The following SLC35F4 variants were observed in gnomAD, a reference collection of about 807,000 sequenced individuals.
SLC35F4 encodes the protein solute carrier family 35 member F4.
SLC35F4 carries 24 observed loss-of-function variants against 44.2 expected under a neutral mutation model. That is an observed-to-expected ratio of 0.54 (90% CI 0.39 to 0.76). The LOEUF (loss-of-function observed/expected upper bound fraction) is 0.76. Among genes scored for constraint, SLC35F4 ranks in the 30% least tolerant of loss-of-function variants. SLC35F4 has a pLI of 0.00. For synonymous variants in SLC35F4, 238 were observed against 223.6 expected (o/e 1.06, Z -0.57); for missense variants, 562 against 586.1 (o/e 0.96, Z 0.42).
chr14:57,674,356 C>T (rs989403227), intron 1 of SLC35F4, among the ~76,000 whole-genome samples: 1 of 152,120 alleles, frequency 6.6e-6, no homozygotes, highest in Non-Finnish European at 1.5e-5. Flanking sequence ...ACCAATTCTA[C>T]TTCATGATGT....
intron 1 of SLC35F4, among the ~76,000 whole-genome samples, chr14:57,888,318 C>T (rs1888694061): frequency 6.6e-6 from 1 of 152,156 alleles, no homozygotes; most frequent in South Asian, 2.1e-4. Context: ...ACTTGATATC[C>T]ACATGTCTTC....
At chr14:57,876,342 A>G (rs1888399260) in intron 1 of SLC35F4, among the ~76,000 whole-genome samples, 1 of 152,156 alleles carries the variant, frequency 6.6e-6, no homozygotes, top group Non-Finnish European at 1.5e-5. Context: ...ATTGCCTTCC[A>G]TCTCTGCTAT....
chr14:57,734,178 T>C (rs1239059001), intron 1 of SLC35F4, among the ~76,000 whole-genome samples: 1 of 152,156 alleles, frequency 6.6e-6, no homozygotes, highest in Non-Finnish European at 1.5e-5. Context: ...CACATTATGG[T>C]ACAGTGGAAA....
intron 1 of SLC35F4, among the ~76,000 whole-genome samples, chr14:57,901,854 A>G (rs1366186116): frequency 1.3e-5 from 2 of 152,124 alleles, no homozygotes; most frequent in Non-Finnish European, 2.9e-5. Context: ...CAGCATAGTT[A>G]AGAGACTAAC....
chr14:57,753,091 C>G (rs2076922228), intron 1 of SLC35F4, among the ~76,000 whole-genome samples: 1 of 152,196 alleles, frequency 6.6e-6, no homozygotes, highest in Non-Finnish European at 1.5e-5. Context: ...ATTTTGCTTT[C>G]AAGGCACAGC....
chr14:57,808,636 A>C (rs956456082), intron 1 of SLC35F4, among the ~76,000 whole-genome samples: 1 of 149,528 alleles, frequency 6.7e-6, no homozygotes, highest in Non-Finnish European at 1.5e-5. Context: ...CATTTCTATA[A>C]AAAATTAAAT....
chr14:57,752,897 G>A (rs1462060046), intron 1 of SLC35F4, among the ~76,000 whole-genome samples: 1 of 152,178 alleles, frequency 6.6e-6, no homozygotes, highest in South Asian at 2.1e-4. Context: ...GCAGAAGCAG[G>A]AGAGTAGGTG....
chr14:57,776,631 A>C (rs1228590904), intron 1 of SLC35F4, among the ~76,000 whole-genome samples: 3 of 137,510 alleles, frequency 2.2e-5, no homozygotes, highest in African/African-American at 8.3e-5. Flanking sequence ...ATGCCACTGC[A>C]CTCCAGCTTG....
chr14:57,719,677 A>C (rs930763732), intron 1 of SLC35F4, among the ~76,000 whole-genome samples: 1 of 151,536 alleles, frequency 6.6e-6, no homozygotes, highest in African/African-American at 2.4e-5. Context: ...ATGCAACTTT[A>C]CTGAATTTAT....
intron 1 of SLC35F4, among the ~76,000 whole-genome samples, chr14:57,787,620 AAAC>A (rs2077800198): frequency 6.6e-6 from 1 of 152,202 alleles, no homozygotes; most frequent in Non-Finnish European, 1.5e-5. Flanking sequence ...TCCTCAAACA[AAAC>A]AATTATCAGC....
chr14:57,930,743 C>A (rs1889681475), intron 1 of SLC35F4, among the ~76,000 whole-genome samples: 2 of 152,188 alleles, frequency 1.3e-5, no homozygotes, highest in Non-Finnish European at 2.9e-5. Flanking sequence ...CTGCAGGAAA[C>A]AAATTCCTGA....
upstream of SLC35F4, among the ~76,000 whole-genome samples, chr14:57,866,623 C>G (rs191664828): frequency 6.6e-6 from 1 of 152,174 alleles, no homozygotes; most frequent in Non-Finnish European, 1.5e-5. Context: ...CATCCTGCCA[C>G]TGAAAAATGT....
At chr14:57,933,868 CA>C (rs540231701) in intron 1 of SLC35F4, among the ~76,000 whole-genome samples, 29 of 151,306 alleles carry the variant, frequency 1.9e-4, no homozygotes, top group East Asian at 9.7e-4. Context: ...GCACCTGGAG[CA>C]AAAAAAAGTC....
intron 1 of SLC35F4, chr14:57,630,331 C>T (rs1359560685): frequency 6.3e-5 from 37 of 588,740 alleles, no homozygotes; most frequent in South Asian, 4.9e-4. Context: ...TCGTATAGTC[C>T]TAGAAACAGT....
At chr14:57,732,185 G>A (rs1278548235) in intron 1 of SLC35F4, among the ~76,000 whole-genome samples, 1 of 151,988 alleles carries the variant, frequency 6.6e-6, no homozygotes, top group African/African-American at 2.4e-5. Flanking sequence ...TTTATTTTTT[G>A]AAAAATAACA....
chr14:57,792,495 A>C (rs2077947963), intron 1 of SLC35F4, among the ~76,000 whole-genome samples: 1 of 152,224 alleles, frequency 6.6e-6, no homozygotes, highest in Non-Finnish European at 1.5e-5. Flanking sequence ...AACTGCAACA[A>C]TATGGAACCA....
upstream of SLC35F4, among the ~76,000 whole-genome samples, chr14:57,870,857 A>G (rs1566917435): frequency 6.6e-6 from 1 of 152,170 alleles, no homozygotes; most frequent in Non-Finnish European, 1.5e-5. Context: ...AATTCTTTCA[A>G]CCATGGGTAA....
chr14:57,902,971 C>T (rs1172697749), intron 1 of SLC35F4, among the ~76,000 whole-genome samples: 2 of 152,144 alleles, frequency 1.3e-5, no homozygotes, highest in Admixed American at 1.3e-4. Context: ...TACCTCCTCA[C>T]CCTGCCTTAT....
At chr14:57,755,055 A>T (rs1408244219) in intron 1 of SLC35F4, among the ~76,000 whole-genome samples, 1 of 152,160 alleles carries the variant, frequency 6.6e-6, no homozygotes, top group East Asian at 1.9e-4. Context: ...CACAGGGGAG[A>T]CGTGAAAGCT....
Sources: gnomAD v4.1 joint callset for allele counts (sites outside exome capture counted in the v4.1 genomes callset) on GRCh38, gnomAD v4.1.1 for gene constraint, MANE v1.5 for transcripts, NCBI Gene and HGNC (gene_info 2026-07-23, HGNC 2026-07-21) for gene names.